Variants in CABP7 observed in about 807,000 individuals in gnomAD.
CABP7 encodes the protein calcium-binding protein 7.
A neutral mutation model predicts 23.1 loss-of-function variants in CABP7; 13 were observed. That is an observed-to-expected ratio of 0.56 (90% CI 0.37 to 0.90). The LOEUF (loss-of-function observed/expected upper bound fraction) is 0.90, where lower values mean the gene tolerates loss of function less well. Among genes scored for constraint, CABP7 ranks in the 40% least tolerant of loss-of-function variants. CABP7 has a pLI of 0.01. For missense variants in CABP7, 248 were observed against 295.6 expected (o/e 0.84, Z 1.18); for synonymous variants, 123 against 115.3 (o/e 1.07, Z -0.43).
intron 1 of CABP7, among the ~76,000 whole-genome samples, chr22:29,725,344 C>T (rs2067788007): frequency 6.6e-6 from 1 of 152,200 alleles, no homozygotes; most frequent in Non-Finnish European, 1.5e-5. Context: ...GTAGCGGCTT[C>T]ACAGCAAGCG....
chr22:29,722,500 G>T (rs1351231399), intron 1 of CABP7, among the ~76,000 whole-genome samples: 1 of 152,266 alleles, frequency 6.6e-6, no homozygotes, highest in East Asian at 1.9e-4. Flanking sequence ...GGCAGGTGGG[G>T]TCATGGAGTA....
At position 29,727,114 on chromosome 22, in the gene CABP7, C is replaced by T. The variant is rs1402098473; in HGVS notation, c.110-548C>T. Among the ~76,000 whole-genome samples the T allele has an allele frequency of 2.0e-5, 3 of 152,196 alleles. No individual in the cohort carries two copies. Among genetic ancestry groups the T allele is most frequent in the Non-Finnish European group, 4.4e-5 (3 of 68,040 alleles). On this transcript the variant is annotated intron_variant, in intron 1 of 4. Coordinates refer to ENST00000216144, the MANE Select transcript of CABP7 (RefSeq NM_182527.3). The surrounding 1 kb of genome is among the most constrained non-coding windows in gnomAD (Gnocchi z 4.2). Reference sequence around the variant, plus strand: ...GGAGGGGGGCTCCTTCCCCCTCTGTCTTCCCTGAACCAAAAGAGGTCTGTG... The same window carrying T: ...GGAGGGGGGCTCCTTCCCCCTCTGTTTTCCCTGAACCAAAAGAGGTCTGTG...
At position 29,720,768 on chromosome 22, in the gene CABP7, C is replaced by A. The variant is rs1196442840; in HGVS notation, c.109+235C>A. ...CAGCCCCTGCCCGCGTGGTCCCCAG[C>A]GCTGCGGAAACTTGCCGGGCCCCGC... On this transcript the variant is annotated intron_variant, in intron 1 of 4. Transcript: ENST00000216144. The surrounding 1 kb of genome is among the most constrained non-coding windows in gnomAD (Gnocchi z 5.2). Among the ~76,000 whole-genome samples, 2 of 151,430 alleles carry A rather than the reference C, an allele frequency of 1.3e-5. No individual in the cohort carries two copies. Among genetic ancestry groups the A allele is most frequent in the Non-Finnish European group, 3.0e-5 (2 of 67,782 alleles).
chr22:29,727,864 G>A lies in CABP7; in HGVS notation c.253+59G>A, dbSNP rs2067807732. Reference sequence around the variant, plus strand: ...GCATCTGGGCCCTGGGGGTGGGGCAGGGGCTGGGGCCTGAGCTGCTGAGGC... The same window carrying A: ...GCATCTGGGCCCTGGGGGTGGGGCAAGGGCTGGGGCCTGAGCTGCTGAGGC... On this transcript the variant is annotated intron_variant, in intron 2 of 4. Transcript: ENST00000216144. The surrounding 1 kb of genome is among the most constrained non-coding windows in gnomAD (Gnocchi z 4.2). 3.8e-6 allele frequency: 6 copies of A among 1,565,270 alleles called. No individual in the cohort carries two copies. Among genetic ancestry groups the A allele is most frequent in the Middle Eastern group, 2.3e-4 (1 of 4,306 alleles).
intron 1 of CABP7, among the ~76,000 whole-genome samples, chr22:29,721,720 CAGAG>C (rs538047674): frequency 1.8e-3 from 279 of 152,214 alleles, no homozygotes; most frequent in Non-Finnish European, 2.3e-3. Context: ...GGGGAAGATC[CAGAG>C]AGAGAAGGCA....
intron 1 of CABP7, among the ~76,000 whole-genome samples, chr22:29,725,884 G>A (rs1302610209): frequency 6.6e-6 from 1 of 152,188 alleles, no homozygotes; most frequent in Non-Finnish European, 1.5e-5. Context: ...CTAAGCGTGT[G>A]TGTGCAGATG....
Position 29,720,929 on chromosome 22 carries a change from G to GC in CABP7, c.109+397dup, listed in dbSNP as rs1349376875. On this transcript the variant is annotated intron_variant, in intron 1 of 4. Transcript: ENST00000216144. The surrounding 1 kb of genome is among the most constrained non-coding windows in gnomAD (Gnocchi z 5.2). ...CTGATCCCCTCCGCGGCGCCCGCCC[G>GC]CGGCTCTCTGCTCGCATTGACATTC... Among the ~76,000 whole-genome samples, 2 of 151,984 alleles carry GC rather than the reference G, an allele frequency of 1.3e-5. No individual in the cohort carries two copies. The highest frequency in any genetic ancestry group is 2.9e-5 in the Non-Finnish European group (2 of 67,956).
Position 29,731,074 on chromosome 22 carries a change from G to A in CABP7, c.*1505G>A. 1.3e-6 allele frequency: 1 copy of A among 776,244 alleles called. No homozygotes were observed. The highest frequency in any genetic ancestry group is 1.9e-6 in the Non-Finnish European group (1 of 527,280). 48.1% of individuals were successfully genotyped at this position (776,244 alleles called of 1,614,324 possible). A position where few individuals can be genotyped will look rare whatever the true frequency, so the allele number is the denominator to read the frequency against. ...CTGCCCGGTGCAGACCCAGGACGAGGGCTGCACTTGGTGTGGCCGTGTCCT... is the reference window on the plus strand; with the variant it reads ...CTGCCCGGTGCAGACCCAGGACGAGAGCTGCACTTGGTGTGGCCGTGTCCT... On this transcript the variant is annotated 3_prime_UTR_variant, in exon 5 of 5. Coordinates refer to ENST00000216144, the MANE Select transcript of CABP7 (RefSeq NM_182527.3).
intron 1 of CABP7, among the ~76,000 whole-genome samples, chr22:29,722,854 G>A (rs1304793579): frequency 6.6e-6 from 1 of 152,370 alleles, no homozygotes; most frequent in Non-Finnish European, 1.5e-5. Flanking sequence ...CAGACAGTAC[G>A]TGCCTGCCGC....
intron 4 of CABP7, 109 bp from the exon 5 acceptor site, chr22:29,729,333 T>C (rs2067820718): frequency 4.4e-6 from 7 of 1,575,634 alleles, no homozygotes; most frequent in South Asian, 2.3e-5. Context: ...CTCTGTCCCA[T>C]TGGGGCACCC....
chr22:29,730,587 T>A lies in CABP7; in HGVS notation c.*1018T>A, dbSNP rs1046875572. The A allele has an allele frequency of 2.6e-5, 4 of 152,518 alleles. No homozygotes were observed. Among genetic ancestry groups the A allele is most frequent in the African/African-American group, 7.2e-5 (3 of 41,478 alleles). The allele number at this position is 152,518 out of a possible 1,614,324, so 9.4% of individuals were successfully genotyped here. A position where few individuals can be genotyped will look rare whatever the true frequency, so the allele number is the denominator to read the frequency against. ...TCTCAGCCCAGGGCCTGCCCTCCTG[T>A]CCTCCCACTTCTCTACGCCCTCAAG... On this transcript the variant is annotated 3_prime_UTR_variant, in exon 5 of 5. Transcript: ENST00000216144.
intron 1 of CABP7, among the ~76,000 whole-genome samples, chr22:29,726,598 A>G (rs555433802): frequency 1.3e-5 from 2 of 152,332 alleles, no homozygotes; most frequent in African/African-American, 2.4e-5. Context: ...TTAAACACAC[A>G]GATACACACC....
At chr22:29,721,709 G>T (rs1235113296) in intron 1 of CABP7, among the ~76,000 whole-genome samples, 3 of 152,086 alleles carry the variant, frequency 2.0e-5, no homozygotes, top group Non-Finnish European at 4.4e-5. Flanking sequence ...AGAATGGGTC[G>T]GGGGAAGATC....
intron 4 of CABP7, 106 bp from the exon 5 acceptor site, chr22:29,729,336 G>A: frequency 6.3e-7 from 1 of 1,576,384 alleles, no homozygotes; most frequent in East Asian, 2.2e-5. Context: ...TGTCCCATTG[G>A]GGCACCCCAT....
chr22:29,724,271 A>T (rs905677881), intron 1 of CABP7, among the ~76,000 whole-genome samples: 3 of 152,192 alleles, frequency 2.0e-5, no homozygotes, highest in Non-Finnish European at 4.4e-5. Flanking sequence ...TGCCCAGGCC[A>T]CTGGGCTGCT....
chr22:29,723,632 C>G (rs535600951), intron 1 of CABP7, among the ~76,000 whole-genome samples: 1 of 152,170 alleles, frequency 6.6e-6, no homozygotes, highest in African/African-American at 2.4e-5. Flanking sequence ...GTGAGTGGAG[C>G]CTTCATTGAG....
Position 29,720,608 on chromosome 22 carries a change from C to A in CABP7, c.109+75C>A. 1.1e-6 allele frequency: 1 copy of A among 872,720 alleles called. No homozygotes were observed. 54.1% of individuals were successfully genotyped at this position (872,720 alleles called of 1,614,324 possible). Reference sequence around the variant, plus strand: ...CCAGGTGAAGCGCGGGCCAGGGGCGCGGGGGCGGGGGGCGGGGGGCGGTCC... The same window carrying A: ...CCAGGTGAAGCGCGGGCCAGGGGCGAGGGGGCGGGGGGCGGGGGGCGGTCC... On this transcript the variant is annotated intron_variant, in intron 1 of 4. Coordinates refer to ENST00000216144, the MANE Select transcript of CABP7 (RefSeq NM_182527.3). The surrounding 1 kb of genome is among the most constrained non-coding windows in gnomAD (Gnocchi z 5.2).
chr22:29,729,415 C>T, intron 4 of CABP7, 27 bp from the exon 5 acceptor site: 1 of 1,606,360 alleles, frequency 6.2e-7, no homozygotes, highest in Non-Finnish European at 8.5e-7. Flanking sequence ...CTTCTGTCTC[C>T]CCGGTGCTCC....
chr22:29,723,587 A>G (rs1372492962), intron 1 of CABP7, among the ~76,000 whole-genome samples: 2 of 152,194 alleles, frequency 1.3e-5, no homozygotes, highest in African/African-American at 4.8e-5. Context: ...TCCCCAGGGT[A>G]GGGCTCTGGG....
Sources: allele counts gnomAD v4.1 joint callset (sites outside exome capture counted in the v4.1 genomes callset), GRCh38; gene constraint gnomAD v4.1.1; non-coding constraint Gnocchi (gnomAD v3.1); transcripts MANE v1.5; gene names NCBI Gene and HGNC (gene_info 2026-07-23, HGNC 2026-07-21).